SNTG2: variants seen among roughly 807,000 people sequenced by gnomAD.
SNTG2 encodes syntrophin gamma 2, also known as gamma-2-syntrophin.
In SNTG2, 74 loss-of-function variants were observed where a neutral mutation model predicts 70.9. The ratio of observed to expected loss-of-function variants is 1.04; its 90% CI spans 0.86 to 1.27. The LOEUF (loss-of-function observed/expected upper bound fraction) is 1.27. SNTG2 is among the 50% of genes most tolerant of loss of function. The pLI, the probability that SNTG2 is intolerant of heterozygous loss-of-function variation, is 0.00. For synonymous variants in SNTG2, 278 were observed against 273.8 expected, an observed-to-expected ratio of 1.02 and a Z score of -0.15; for missense variants, 717 against 690.7, an observed-to-expected ratio of 1.04 and a Z score of -0.43.
chr2:1,109,159 C>T (rs954353710), intron 4 of SNTG2, among the ~76,000 whole-genome samples: 10 of 151,956 alleles, frequency 6.6e-5, no homozygotes, highest in South Asian at 2.1e-4. Context: ...GTCATACTTT[C>T]GGAAAGCAAA....
At chr2:1,199,604 T>A (rs1673154222) in intron 8 of SNTG2, among the ~76,000 whole-genome samples, 1 of 152,082 alleles carries the variant, frequency 6.6e-6, no homozygotes, top group Admixed American at 6.5e-5. Context: ...GATGACATGA[T>A]CTTATATATA....
intron 9 of SNTG2, among the ~76,000 whole-genome samples, chr2:1,213,267 A>G (rs565855036): frequency 2.9e-4 from 44 of 152,340 alleles, no homozygotes; most frequent in African/African-American, 1.0e-3. Flanking sequence ...GAAATATACA[A>G]TACAGTACTT....
intron 14 of SNTG2, among the ~76,000 whole-genome samples, chr2:1,295,936 C>A (rs746098318): frequency 6.8e-6 from 1 of 147,192 alleles, no homozygotes; most frequent in Non-Finnish European, 1.5e-5. Context: ...GTGAGGCAGA[C>A]GTCACCATCG....
intron 1 of SNTG2, among the ~76,000 whole-genome samples, chr2:999,367 C>T (rs1380769565): frequency 6.6e-6 from 1 of 151,996 alleles, no homozygotes; most frequent in East Asian, 1.9e-4. Flanking sequence ...AAAACAACAA[C>T]AACATTATTC....
chr2:954,550 G>A (rs1660080933), intron 1 of SNTG2, among the ~76,000 whole-genome samples: 1 of 152,134 alleles, frequency 6.6e-6, no homozygotes, highest in South Asian at 2.1e-4. Context: ...GTCGACTTTG[G>A]ATTATTTTCA....
chr2:1,144,150 G>A (rs28665529), intron 6 of SNTG2, among the ~76,000 whole-genome samples: 28,198 of 151,968 alleles, frequency 0.19, 2,686 homozygotes, highest in Non-Finnish European at 0.21. Flanking sequence ...GTTTCTTTCA[G>A]CAAACTCTCA....
intron 16 of SNTG2, among the ~76,000 whole-genome samples, chr2:1,354,287 C>G: frequency 1.4e-5 from 1 of 70,230 alleles, no homozygotes; most frequent in South Asian, 7.1e-4. Context: ...TGCCTGAGTT[C>G]CCTGAGCCTC....
intron 13 of SNTG2, among the ~76,000 whole-genome samples, chr2:1,261,890 C>G (rs1341452996): frequency 6.6e-6 from 1 of 152,144 alleles, no homozygotes; most frequent in East Asian, 1.9e-4. Flanking sequence ...GGGGCCCAGA[C>G]TCACGTGGCT....
intron 1 of SNTG2, among the ~76,000 whole-genome samples, chr2:975,143 A>G (rs1304133208): frequency 6.6e-6 from 1 of 151,840 alleles, no homozygotes. Context: ...GAGCAATAAC[A>G]CCACACCCTT....
intron 7 of SNTG2, among the ~76,000 whole-genome samples, chr2:1,172,329 G>A (rs962846476): frequency 1.1e-4 from 16 of 152,198 alleles, no homozygotes; most frequent in African/African-American, 3.9e-4. Flanking sequence ...TCAGGCTGCT[G>A]TGTTCACAGA....
chr2:1,245,149 A>G (rs1285205234), intron 11 of SNTG2, among the ~76,000 whole-genome samples: 1 of 148,114 alleles, frequency 6.8e-6, no homozygotes, highest in Non-Finnish European at 1.5e-5. Context: ...GAGGGATAGC[A>G]TTGGGAGATA....
chr2:1,160,737 G>C (rs1169189639), intron 6 of SNTG2: 1 of 152,408 alleles, frequency 6.6e-6, no homozygotes, highest in African/African-American at 2.4e-5. Flanking sequence ...GTGCCTGCAA[G>C]AAGAAGCCCT....
In SNTG2 at chr2:1,294,495, T is replaced by C. The variant is rs542143495; in HGVS notation, c.1285-13999T>C. 6.6e-5 allele frequency among the ~76,000 whole-genome samples: 10 copies of C among 152,252 alleles called. No individual in the cohort carries two copies. In the South Asian group the frequency reaches 2.1e-3, roughly 32 times the overall value. On this transcript the variant is annotated intron_variant, in intron 14 of 16. Coordinates refer to ENST00000308624, the MANE Select transcript of SNTG2 (RefSeq NM_018968.4). ...GCTTTCTTAGGAGAAAGTAGATGAG[T>C]TTCTAGAATGATTACCTTAGAGGGA...
At chr2:1,006,069 C>CA (rs1303841979) in intron 1 of SNTG2, among the ~76,000 whole-genome samples, 1 of 147,714 alleles carries the variant, frequency 6.8e-6, no homozygotes, top group Non-Finnish European at 1.5e-5. Context: ...ATTGCAAGAA[C>CA]AAAAAACCAA....
intron 1 of SNTG2, among the ~76,000 whole-genome samples, chr2:996,973 CCT>C (rs1451050133): frequency 6.6e-6 from 1 of 151,816 alleles, no homozygotes; most frequent in Non-Finnish European, 1.5e-5. Flanking sequence ...ATACTAGTAC[CCT>C]ATGTGTGTCT....
chr2:1,266,749 A>ATGTTTTT (rs1678757157), intron 13 of SNTG2, among the ~76,000 whole-genome samples: 1 of 9,230 alleles, frequency 1.1e-4, no homozygotes. Flanking sequence ...TTTCATCTTT[A>ATGTTTTT]TCTTTTTTTT....
rs1418003947 is a variant in SNTG2 at position 1,267,551 on chromosome 2, A to G, written c.1264A>G (p.Met422Val). ...GAAGTCCTTCCAAAGAGCCACGTTC[A>G]TGGAAGTTCAGAGAACCGGGGTAAG... ...WEKSFQRATF[M>V]EVQRTGSRTY... Residue 422 changes from methionine to valine, a missense_variant, in exon 14 of 17, where the codon ATG (methionine) becomes GTG (valine). Transcript: ENST00000308624. 1 of 1,613,140 alleles carries G rather than the reference A, an allele frequency of 6.2e-7. No homozygotes were observed. The highest frequency in any genetic ancestry group is 8.5e-7 in the Non-Finnish European group (1 of 1,179,894).
chr2:1,153,907 G>C (rs1296873589), intron 6 of SNTG2, among the ~76,000 whole-genome samples: 1 of 152,206 alleles, frequency 6.6e-6, no homozygotes, highest in Non-Finnish European at 1.5e-5. Flanking sequence ...GGACTTAGCT[G>C]TGCCAGAGTG....
At position 1,267,583 on chromosome 2, in the gene SNTG2, A is replaced by C. The variant is rs375499872; in HGVS notation, c.1284+12A>C. 6.2e-7 allele frequency: 1 copy of C among 1,611,054 alleles called. No individual in the cohort carries two copies. Among genetic ancestry groups the C allele is most frequent in the African/African-American group, 1.3e-5 (1 of 74,832 alleles). On this transcript the variant is annotated intron_variant, in intron 14 of 16. Transcript: ENST00000308624. The stretch of plus-strand genomic sequence containing the variant: ...TTCAGAGAACCGGGGTAAGTGAACA[A>C]CTCACACTCTTCTCACCTACACCTG...
Sources: allele counts gnomAD v4.1 joint callset (sites outside exome capture counted in the v4.1 genomes callset), GRCh38; gene constraint gnomAD v4.1.1; transcripts MANE v1.5; gene names NCBI Gene and HGNC (gene_info 2026-07-23, HGNC 2026-07-21).